Variants in GRB2 observed in about 807,000 individuals in gnomAD.
GRB2 encodes growth factor receptor bound protein 2.
GRB2 carries 2 observed loss-of-function variants against 27.4 expected under a neutral mutation model. The ratio of observed to expected loss-of-function variants is 0.07; its 90% CI spans 0.03 to 0.23. The LOEUF (loss-of-function observed/expected upper bound fraction) is 0.23. Among genes scored for constraint, GRB2 ranks in the 10% least tolerant of loss-of-function variants. The probability of loss-of-function intolerance (pLI) is 1.00; values close to 1 mark genes in which losing one functional copy is unlikely to be tolerated. For synonymous variants in GRB2, 94 were observed against 99.6 expected (o/e 0.94, Z 0.33); for missense variants, 102 against 282.4 (o/e 0.36, Z 4.58).
intron 2 of GRB2, among the ~76,000 whole-genome samples, chr17:75,351,563 G>T (rs2078692498): frequency 6.6e-6 from 1 of 152,034 alleles, no homozygotes; most frequent in Non-Finnish European, 1.5e-5. Flanking sequence ...TACAGTGGGA[G>T]GATCAGTTGA....
At chr17:75,369,765 C>T (rs1598242649) in intron 2 of GRB2, among the ~76,000 whole-genome samples, 1 of 149,990 alleles carries the variant, frequency 6.7e-6, no homozygotes, top group Non-Finnish European at 1.5e-5. Context: ...GAGGCCGAGA[C>T]AGGATAATTG....
At chr17:75,363,009 G>C (rs2078794877) in intron 2 of GRB2, among the ~76,000 whole-genome samples, 1 of 152,174 alleles carries the variant, frequency 6.6e-6, no homozygotes, top group Non-Finnish European at 1.5e-5. Flanking sequence ...AGAAGGGAGA[G>C]TAAGTGCTCT....
chr17:75,324,507 G>GTCTTTTTTTTTTTTTTTTTTTTTTTTTTT (rs1555608338), intron 4 of GRB2, among the ~76,000 whole-genome samples: 1 of 36,704 alleles, frequency 2.7e-5, no homozygotes, highest in African/African-American at 8.2e-5. Flanking sequence ...ACCGCACCCA[G>GTCTTTTTTTTTTTTTTTTTTTTTTTTTTT]TTTTTTTTTT....
At chr17:75,336,403 T>C (rs2078577133) in intron 2 of GRB2, among the ~76,000 whole-genome samples, 1 of 152,222 alleles carries the variant, frequency 6.6e-6, no homozygotes, top group Non-Finnish European at 1.5e-5. Context: ...AAAGAGCTGC[T>C]TGTAACCTAT....
At chr17:75,393,092 T>A (rs1368330885) in intron 2 of GRB2, among the ~76,000 whole-genome samples, 1 of 152,226 alleles carries the variant, frequency 6.6e-6, no homozygotes, top group Non-Finnish European at 1.5e-5. Context: ...CTCTCTAAAC[T>A]GGGAAAATTA....
At chr17:75,379,992 A>G (rs2078917438) in intron 2 of GRB2, among the ~76,000 whole-genome samples, 1 of 152,244 alleles carries the variant, frequency 6.6e-6, no homozygotes, top group South Asian at 2.1e-4. Context: ...TGGGGAAAAG[A>G]TAACTGAGAT....
intron 2 of GRB2, among the ~76,000 whole-genome samples, chr17:75,347,974 A>G (rs138555392): frequency 2.5e-4 from 38 of 152,364 alleles, no homozygotes; most frequent in African/African-American, 9.1e-4. Context: ...GGCAGAAAGT[A>G]TCCAAATTCT....
In GRB2 at chr17:75,319,160, T is replaced by C. The variant is rs191656067; in HGVS notation, c.*1208A>G. 6.8e-6 allele frequency: 1 copy of C among 148,078 alleles called. No individual in the cohort carries two copies. Among genetic ancestry groups the C allele is most frequent in the Admixed American group, 6.9e-5 (1 of 14,542 alleles). 9.2% of individuals were successfully genotyped at this position (148,078 alleles called of 1,614,324 possible). A position where few individuals can be genotyped will look rare whatever the true frequency, so the allele number is the denominator to read the frequency against. ...TGGAGCTTAAAGCCTCCTGGCTTAG[T>C]ACAAGCAGGAGAACGCCTCACCTTC... On this transcript the variant is annotated 3_prime_UTR_variant, in exon 6 of 6. Transcript: ENST00000316804.
chr17:75,334,398 C>T (rs568867815), intron 2 of GRB2, among the ~76,000 whole-genome samples: 3 of 152,114 alleles, frequency 2.0e-5, no homozygotes, highest in East Asian at 1.9e-4. Flanking sequence ...GTCTCGATCT[C>T]CTGACCTTGT....
intron 2 of GRB2, among the ~76,000 whole-genome samples, chr17:75,335,107 A>G (rs1180625402): frequency 6.6e-6 from 1 of 152,126 alleles, no homozygotes; most frequent in African/African-American, 2.4e-5. Context: ...ATTGGCCAAA[A>G]TATGTTATTT....
intron 3 of GRB2, among the ~76,000 whole-genome samples, chr17:75,326,630 G>C (rs2078500456): frequency 6.6e-6 from 1 of 152,244 alleles, no homozygotes; most frequent in South Asian, 2.1e-4. Flanking sequence ...GCTTTCAGAA[G>C]CCACCAGGAA....
chr17:75,378,326 T>C (rs1428469825), intron 2 of GRB2, among the ~76,000 whole-genome samples: 1 of 152,206 alleles, frequency 6.6e-6, no homozygotes, highest in African/African-American at 2.4e-5. Flanking sequence ...GAGGTTGTAG[T>C]GAGCTGAGAT....
intron 2 of GRB2, among the ~76,000 whole-genome samples, chr17:75,339,350 C>T (rs933639570): frequency 3.3e-5 from 5 of 151,862 alleles, no homozygotes; most frequent in South Asian, 2.1e-4. Flanking sequence ...CCCGCCACCA[C>T]GCCCGGCTAT....
intron 2 of GRB2, among the ~76,000 whole-genome samples, chr17:75,342,777 T>C (rs2078629661): frequency 6.6e-6 from 1 of 152,142 alleles, no homozygotes; most frequent in African/African-American, 2.4e-5. Flanking sequence ...CTGGGTGCAG[T>C]GGCTCACGCC....
At chr17:75,362,920 A>G (rs906140681) in intron 2 of GRB2, among the ~76,000 whole-genome samples, 5 of 152,216 alleles carry the variant, frequency 3.3e-5, no homozygotes, top group Non-Finnish European at 4.4e-5. Flanking sequence ...TTTTGGGGGT[A>G]GAGGAAGGAA....
At position 75,360,940 on chromosome 17, in the gene GRB2, AT is replaced by A. The variant is rs923250588; in HGVS notation, c.79-28144del. On this transcript the variant is annotated intron_variant, in intron 2 of 5. Coordinates refer to ENST00000316804, the MANE Select transcript of GRB2 (RefSeq NM_002086.5). Reference sequence around the variant, plus strand: ...GTGCTGCCACGCCCAGCTAATTTTAATTTTTTTTTTGGTAGAGATGGGGTCT... The same window carrying A: ...GTGCTGCCACGCCCAGCTAATTTTAATTTTTTTTTGGTAGAGATGGGGTCT... 2.4e-4 allele frequency among the ~76,000 whole-genome samples: 35 copies of A among 144,622 alleles called. 1 individual carries two copies. In the South Asian group the frequency reaches 6.4e-3, roughly 26 times the overall value. The allele number at this position is 144,622 out of a possible 152,430, so 94.9% of individuals were successfully genotyped here. A position where few individuals can be genotyped will look rare whatever the true frequency, so the allele number is the denominator to read the frequency against.
In GRB2 at chr17:75,318,295, C is replaced by T. The variant is rs1005433049; in HGVS notation, c.*2073G>A. On this transcript the variant is annotated 3_prime_UTR_variant, in exon 6 of 6. Transcript: ENST00000316804. ...GTGTAGAATGCCAGATTCCTTTTAT[C>T]ATCTGCGAGGAAAAGAGAAGCAGGA... The T allele has an allele frequency of 4.6e-5, 7 of 152,190 alleles. No individual in the cohort carries two copies. The highest frequency in any genetic ancestry group is 8.8e-5 in the Non-Finnish European group (6 of 68,048). The allele number at this position is 152,190 out of a possible 1,614,324, so 9.4% of individuals were successfully genotyped here. A position where few individuals can be genotyped will look rare whatever the true frequency, so the allele number is the denominator to read the frequency against.
intron 2 of GRB2, among the ~76,000 whole-genome samples, chr17:75,360,459 A>C (rs2078772572): frequency 6.6e-6 from 1 of 152,212 alleles, no homozygotes; most frequent in African/African-American, 2.4e-5. Context: ...TGAAGTCACA[A>C]ATACAAGCAA....
At chr17:75,358,905 A>ATATG (rs1329597757) in intron 2 of GRB2, among the ~76,000 whole-genome samples, 1 of 66,268 alleles carries the variant, frequency 1.5e-5, no homozygotes, top group Admixed American at 1.9e-4. Context: ...AAAATTATAT[A>ATATG]TATATATATA....
Sources: allele counts gnomAD v4.1 joint callset (sites outside exome capture counted in the v4.1 genomes callset), GRCh38; gene constraint gnomAD v4.1.1; transcripts MANE v1.5; gene names NCBI Gene and HGNC (gene_info 2026-07-23, HGNC 2026-07-21).